The following LDB2 variants were observed in gnomAD, a reference collection of about 807,000 sequenced individuals.
The protein encoded by LDB2 is LIM domain-binding protein 2.
In LDB2, 12 loss-of-function variants were observed where a neutral mutation model predicts 44.3. The ratio of observed to expected loss-of-function variants is 0.27; its 90% CI spans 0.17 to 0.44. LDB2 has a LOEUF of 0.44. LDB2 is among the 20% of genes least tolerant of loss of function. The pLI is 1.00. For missense variants in LDB2, 344 were observed against 473.5 expected (o/e 0.73, Z 2.54); for synonymous variants, 164 against 174.8 (o/e 0.94, Z 0.49).
intron 2 of LDB2, among the ~76,000 whole-genome samples, chr4:16,596,463 T>C (rs185724433): frequency 6.6e-6 from 1 of 152,250 alleles, no homozygotes; most frequent in African/African-American, 2.4e-5. Context: ...TGCTTCAAGG[T>C]CACGTGACTT....
At chr4:16,707,055 A>C (rs993038291) in intron 2 of LDB2, among the ~76,000 whole-genome samples, 2 of 152,192 alleles carry the variant, frequency 1.3e-5, no homozygotes, top group African/African-American at 2.4e-5. Flanking sequence ...AATATTCATC[A>C]TTTTAATTCC....
intron 1 of LDB2, among the ~76,000 whole-genome samples, chr4:16,768,149 C>T (rs1030132362): frequency 3.9e-5 from 6 of 152,118 alleles, no homozygotes; most frequent in African/African-American, 2.4e-5. Flanking sequence ...TACACCCCCT[C>T]CAAAGAATGA....
chr4:16,600,590 T>C (rs1722311169), intron 2 of LDB2, among the ~76,000 whole-genome samples: 1 of 152,218 alleles, frequency 6.6e-6, no homozygotes, highest in African/African-American at 2.4e-5. Context: ...ACTTTATAGG[T>C]AAATATGATT....
intron 1 of LDB2, among the ~76,000 whole-genome samples, chr4:16,886,926 G>T (rs1372311479): frequency 6.6e-6 from 1 of 150,498 alleles, no homozygotes; most frequent in Non-Finnish European, 1.5e-5. Context: ...CCAGCTACTC[G>T]TGAGGCTGAG....
At chr4:16,662,754 C>T (rs148950511) in intron 2 of LDB2, among the ~76,000 whole-genome samples, 5 of 152,038 alleles carry the variant, frequency 3.3e-5, no homozygotes, top group Middle Eastern at 3.4e-3. Flanking sequence ...ATGTAAGACG[C>T]GTCTTTGTTC....
chr4:16,639,739 C>T (rs1162826603), intron 2 of LDB2, among the ~76,000 whole-genome samples: 5 of 152,178 alleles, frequency 3.3e-5, no homozygotes, highest in African/African-American at 7.2e-5. Flanking sequence ...GGATTACAGG[C>T]GTGAGCCACC....
intron 2 of LDB2, among the ~76,000 whole-genome samples, chr4:16,672,826 G>T (rs200364376): frequency 0.093 from 3,583 of 38,640 alleles, 100 homozygotes; most frequent in South Asian, 0.31. Flanking sequence ...CTGCCTGCCT[G>T]CCTTCTTTCC....
At chr4:16,685,507 G>A (rs1336041518) in intron 2 of LDB2, among the ~76,000 whole-genome samples, 2 of 151,982 alleles carry the variant, frequency 1.3e-5, no homozygotes, top group Non-Finnish European at 2.9e-5. Flanking sequence ...AACTCTATAA[G>A]GCTCCATCTC....
intron 1 of LDB2, among the ~76,000 whole-genome samples, chr4:16,840,603 T>C (rs1031296551): frequency 6.6e-6 from 1 of 152,196 alleles, no homozygotes; most frequent in African/African-American, 2.4e-5. Flanking sequence ...AGTGGTTAGC[T>C]GTGAACTCTA....
At chr4:16,872,892 C>T (rs1717118301) in intron 1 of LDB2, among the ~76,000 whole-genome samples, 1 of 152,108 alleles carries the variant, frequency 6.6e-6, no homozygotes, top group Admixed American at 6.5e-5. Context: ...GCAAAAGATC[C>T]ACTATATTCA....
intron 1 of LDB2, among the ~76,000 whole-genome samples, chr4:16,836,759 T>C (rs1328356657): frequency 6.6e-6 from 1 of 152,216 alleles, no homozygotes; most frequent in African/African-American, 2.4e-5. Flanking sequence ...TATTGAATCC[T>C]TAAAAAAGTA....
At chr4:16,779,772 A>T (rs1474293660) in intron 1 of LDB2, among the ~76,000 whole-genome samples, 4 of 152,202 alleles carry the variant, frequency 2.6e-5, no homozygotes, top group African/African-American at 7.2e-5. Flanking sequence ...CTGCTGTCCA[A>T]GTGTTCCAGG....
At chr4:16,845,196 G>A (rs1042515046) in intron 1 of LDB2, among the ~76,000 whole-genome samples, 2 of 152,198 alleles carry the variant, frequency 1.3e-5, no homozygotes, top group Admixed American at 6.5e-5. Context: ...CTTTCCAGGG[G>A]AGAAGTGGAA....
At position 16,678,797 on chromosome 4, in the gene LDB2, C is replaced by T. The variant is rs377430016; in HGVS notation, c.235+80361G>A. Among the ~76,000 whole-genome samples, 6 of 152,270 alleles carry T rather than the reference C, an allele frequency of 3.9e-5. No individual in the cohort carries two copies. The East Asian group carries it at 7.7e-4, about 20-fold the overall frequency. On this transcript the variant is annotated intron_variant, in intron 2 of 7. Transcript: ENST00000304523. ...GCTCATGACAGGGTGAGAAAATGGT[C>T]TTCTCTGCAGCCCCATAAGGGAAAT...
chr4:16,613,000 C>T (rs1726119359), intron 2 of LDB2, among the ~76,000 whole-genome samples: 1 of 152,088 alleles, frequency 6.6e-6, no homozygotes, highest in South Asian at 2.1e-4. Flanking sequence ...AAACCTTATC[C>T]ACTACAATCA....
At chr4:16,839,243 A>G (rs1379615201) in intron 1 of LDB2, among the ~76,000 whole-genome samples, 1 of 152,224 alleles carries the variant, frequency 6.6e-6, no homozygotes, top group Non-Finnish European at 1.5e-5. Context: ...TGGCTAGAAG[A>G]TTGGACATCT....
chr4:16,697,457 G>A (rs1194800380), intron 2 of LDB2, among the ~76,000 whole-genome samples: 5 of 150,088 alleles, frequency 3.3e-5, no homozygotes, highest in Non-Finnish European at 4.4e-5. Context: ...GCAAGACTCC[G>A]TCCCAAAAAA....
rs140064262 is a variant in LDB2 at position 16,783,290 on chromosome 4, G to A, written c.133-24030C>T. Among the ~76,000 whole-genome samples, 8 of 152,342 alleles carry A rather than the reference G, an allele frequency of 5.3e-5. No homozygotes were observed. The South Asian group carries it at 1.0e-3, about 20-fold the overall frequency. ...TTTATACTTTACTGTTGCAAGGAAC[G>A]TTGTTTACAATTAAAATTACAGTAG... On this transcript the variant is annotated intron_variant, in intron 1 of 7. Coordinates refer to ENST00000304523, the MANE Select transcript of LDB2 (RefSeq NM_001290.5).
chr4:16,798,934 T>A (rs1475175638), intron 1 of LDB2, among the ~76,000 whole-genome samples: 1 of 152,180 alleles, frequency 6.6e-6, no homozygotes, highest in Non-Finnish European at 1.5e-5. Context: ...CACTGCAAAC[T>A]CCGCCTCCCG....
Sources: allele counts gnomAD v4.1 joint callset (sites outside exome capture counted in the v4.1 genomes callset), GRCh38; gene constraint gnomAD v4.1.1; transcripts MANE v1.5; gene names NCBI Gene and HGNC (gene_info 2026-07-23, HGNC 2026-07-21).